Variants in MLLT3 observed in about 807,000 individuals in gnomAD.
MLLT3 encodes MLLT3 super elongation complex subunit, also known as protein AF-9.
Under a neutral mutation model 53.2 loss-of-function variants are expected in MLLT3, and 4 were observed. That is an observed-to-expected ratio of 0.08 (90% CI 0.04 to 0.17). The LOEUF is 0.17. MLLT3 is among the 10% of genes least tolerant of loss of function. The pLI is 1.00. For missense variants in MLLT3, 569 were observed against 684.0 expected (o/e 0.83, Z 1.87); for synonymous variants, 283 against 230.6 (o/e 1.23, Z -2.06).
At chr9:20,554,940 T>C (rs578127831) in intron 2 of MLLT3, among the ~76,000 whole-genome samples, 2 of 152,378 alleles carry the variant, frequency 1.3e-5, no homozygotes, top group South Asian at 4.1e-4. Context: ...AACTGCCTAA[T>C]GAACGGTGGA....
chr9:20,448,009 T>C lies in MLLT3; in HGVS notation c.420+114A>G, dbSNP rs745409972. On this transcript the variant is annotated intron_variant, in intron 4 of 10. Coordinates refer to ENST00000380338, the MANE Select transcript of MLLT3 (RefSeq NM_004529.4). The surrounding 1 kb of genome is among the most constrained non-coding windows in gnomAD (Gnocchi z 4.0). The stretch of plus-strand genomic sequence containing the variant: ...AGCCATTAAGGTACATCATTTCTTT[T>C]ACCTCTCCCAAAACCTTATACTTTT... The C allele has an allele frequency of 1.1e-4, 128 of 1,157,572 alleles. No homozygotes were observed. Among genetic ancestry groups the C allele is most frequent in the Non-Finnish European group, 1.6e-4 (128 of 822,818 alleles). The allele number at this position is 1,157,572 out of a possible 1,614,324, so 71.7% of individuals were successfully genotyped here. A position where few individuals can be genotyped will look rare whatever the true frequency, so the allele number is the denominator to read the frequency against.
chr9:20,456,102 C>T (rs532853156), intron 3 of MLLT3, among the ~76,000 whole-genome samples: 1 of 152,128 alleles, frequency 6.6e-6, no homozygotes, highest in South Asian at 2.1e-4. Context: ...CCATACTCGG[C>T]TAATTTTTGT....
chr9:20,426,452 T>C (rs1586940926), intron 4 of MLLT3, among the ~76,000 whole-genome samples: 1 of 152,082 alleles, frequency 6.6e-6, no homozygotes, highest in African/African-American at 2.4e-5. Context: ...TCACAAATAA[T>C]GGCTGGAAGT....
intron 2 of MLLT3, among the ~76,000 whole-genome samples, chr9:20,546,490 G>A (rs764633577): frequency 6.6e-6 from 1 of 151,568 alleles, no homozygotes; most frequent in African/African-American, 2.4e-5. Context: ...GCTGCAGTGA[G>A]CTCTGATCAC....
At chr9:20,347,170 T>C (rs1412930256) in intron 10 of MLLT3, among the ~76,000 whole-genome samples, 1 of 151,924 alleles carries the variant, frequency 6.6e-6, no homozygotes, top group Non-Finnish European at 1.5e-5. Context: ...GGGAGCCTTC[T>C]AGAGTACTGG....
chr9:20,540,572 G>T (rs1332689236), intron 2 of MLLT3, among the ~76,000 whole-genome samples: 1 of 152,238 alleles, frequency 6.6e-6, no homozygotes, highest in Non-Finnish European at 1.5e-5. Context: ...TGGAGCTGAA[G>T]TGGGTGGGGC....
intron 2 of MLLT3, among the ~76,000 whole-genome samples, chr9:20,603,340 T>C (rs1040179586): frequency 6.6e-6 from 1 of 152,070 alleles, no homozygotes; most frequent in Admixed American, 6.6e-5. Context: ...ACACCACTTT[T>C]ACCTCTTAGG....
intron 2 of MLLT3, among the ~76,000 whole-genome samples, chr9:20,462,562 C>A (rs1241356337): frequency 6.6e-6 from 1 of 152,066 alleles, no homozygotes; most frequent in Non-Finnish European, 1.5e-5. Context: ...CTCCTCTGGA[C>A]TCACCACTCA....
intron 2 of MLLT3, among the ~76,000 whole-genome samples, chr9:20,601,352 C>T (rs1286794478): frequency 6.6e-6 from 1 of 152,144 alleles, no homozygotes; most frequent in African/African-American, 2.4e-5. Flanking sequence ...TGAAAACTTA[C>T]CTAGCAAAGT....
At chr9:20,463,440 A>T (rs1824162097) in intron 2 of MLLT3, among the ~76,000 whole-genome samples, 1 of 152,104 alleles carries the variant, frequency 6.6e-6, no homozygotes, top group East Asian at 1.9e-4. Flanking sequence ...CTGCTTTCAC[A>T]ATCATTTCTT....
chr9:20,360,222 T>C (rs1821279627), intron 8 of MLLT3, among the ~76,000 whole-genome samples: 1 of 152,192 alleles, frequency 6.6e-6, no homozygotes, highest in Non-Finnish European at 1.5e-5. Flanking sequence ...ATCAACTGAG[T>C]GCCAAGGAGG....
chr9:20,415,592 A>G (rs1284888660), intron 4 of MLLT3: 1 of 231,980 alleles, frequency 4.3e-6, no homozygotes, highest in East Asian at 1.8e-4. Flanking sequence ...ATTTTCAACT[A>G]GAATTTACAT....
rs150727331 is a variant in MLLT3 at position 20,495,612 on chromosome 9, C to T, written c.194-38826G>A. ...ATTAACAGCGTTTTCATTACACAAC[C>T]GGAACTAGATTTTTTAATAACATAC... On this transcript the variant is annotated intron_variant, in intron 2 of 10. Transcript: ENST00000380338. Among the ~76,000 whole-genome samples the T allele has an allele frequency of 4.1e-3, 630 of 152,166 alleles. 2 individuals are homozygous for T. The highest frequency in any genetic ancestry group is 0.014 in the African/African-American group (580 of 41,494).
In MLLT3 at chr9:20,621,983, A is replaced by C; in HGVS notation, c.12+262T>G. 4.5e-6 allele frequency: 6 copies of C among 1,322,250 alleles called. No homozygotes were observed. The highest frequency in any genetic ancestry group is 5.8e-6 in the Non-Finnish European group (6 of 1,038,046). 81.9% of individuals were successfully genotyped at this position (1,322,250 alleles called of 1,614,324 possible). On this transcript the variant is annotated intron_variant, in intron 1 of 10. Coordinates refer to ENST00000380338, the MANE Select transcript of MLLT3 (RefSeq NM_004529.4). This position sits in a 1 kb window ranked among gnomAD's most constrained non-coding sequence, Gnocchi z 7.0. ...CGCTTCTTGTGACTGCAAAGAGGCGAGGAGGGAGGGAGGCGCGGGGGGTGG... is the reference window on the plus strand; with the variant it reads ...CGCTTCTTGTGACTGCAAAGAGGCGCGGAGGGAGGGAGGCGCGGGGGGTGG...
chr9:20,404,765 C>G (rs1469025634), intron 5 of MLLT3, among the ~76,000 whole-genome samples: 1 of 152,152 alleles, frequency 6.6e-6, no homozygotes, highest in African/African-American at 2.4e-5. Flanking sequence ...CTTGGCCTCC[C>G]AAAGCACTGG....
intron 2 of MLLT3, among the ~76,000 whole-genome samples, chr9:20,514,091 G>A (rs1213298623): frequency 6.6e-6 from 1 of 152,212 alleles, no homozygotes; most frequent in Non-Finnish European, 1.5e-5. Context: ...TACGAGGCAG[G>A]TGTCTCCTGA....
intron 2 of MLLT3, among the ~76,000 whole-genome samples, chr9:20,546,679 A>G (rs1044873920): frequency 2.1e-4 from 32 of 152,350 alleles, no homozygotes; most frequent in African/African-American, 6.5e-4. Context: ...TAGAGTTCCA[A>G]GCTAAGGAAT....
chr9:20,381,400 A>G lies in MLLT3; in HGVS notation c.1126-15656T>C, dbSNP rs144260723. On this transcript the variant is annotated intron_variant, in intron 5 of 10. Transcript: ENST00000380338. ...TCCGATATTCCAAATATAAAACTCC[A>G]TAACTGTTATATTTCTCTAGGAAGA... 2.5e-3 allele frequency among the ~76,000 whole-genome samples: 387 copies of G among 152,034 alleles called. 2 individuals carry two copies. Among genetic ancestry groups the G allele is most frequent in the Admixed American group, 0.021 (325 of 15,254 alleles).
intron 2 of MLLT3, among the ~76,000 whole-genome samples, chr9:20,470,111 A>C (rs567547128): frequency 1.3e-5 from 2 of 152,074 alleles, no homozygotes; most frequent in Non-Finnish European, 1.5e-5. Context: ...TTGAATGTCC[A>C]GTCACCAGTT....
Sources: gnomAD v4.1 joint callset for allele counts (sites outside exome capture counted in the v4.1 genomes callset) on GRCh38, gnomAD v4.1.1 for gene constraint, Gnocchi (gnomAD v3.1) non-coding constraint, MANE v1.5 for transcripts, NCBI Gene and HGNC (gene_info 2026-07-23, HGNC 2026-07-21) for gene names.